Variants in BCL11A observed in about 807,000 individuals in gnomAD.
BCL11A encodes the protein B cell CLL/lymphoma 11A.
BCL11A carries 2 observed loss-of-function variants against 55.9 expected under a neutral mutation model. That is an observed-to-expected ratio of 0.04 (90% CI 0.01 to 0.11). BCL11A has a LOEUF of 0.11. Among genes scored for constraint, BCL11A ranks in the 10% least tolerant of loss-of-function variants. BCL11A has a pLI of 1.00. For synonymous variants in BCL11A, 465 were observed against 473.4 expected (o/e 0.98, Z 0.23); for missense variants, 817 against 1,137.1 (o/e 0.72, Z 4.05).
chr2:60,503,567 C>G (rs776698470), intron 2 of BCL11A, among the ~76,000 whole-genome samples: 3 of 152,200 alleles, frequency 2.0e-5, no homozygotes, highest in Non-Finnish European at 4.4e-5. Flanking sequence ...GGTCTGAGTG[C>G]AGACCAAGCT....
At chr2:60,485,986 C>G (rs1678252253) in intron 2 of BCL11A, among the ~76,000 whole-genome samples, 1 of 152,150 alleles carries the variant, frequency 6.6e-6, no homozygotes, top group Non-Finnish European at 1.5e-5. Context: ...ACCTTCTGCT[C>G]TGGTTCTCCT....
intron 2 of BCL11A, among the ~76,000 whole-genome samples, chr2:60,475,861 G>A (rs1488313230): frequency 6.6e-6 from 1 of 152,202 alleles, no homozygotes; most frequent in African/African-American, 2.4e-5. Flanking sequence ...CCTTTAGGAA[G>A]CAGGGACTTG....
intron 1 of BCL11A, among the ~76,000 whole-genome samples, chr2:60,549,341 GA>G (rs1354038289): frequency 1.3e-5 from 2 of 152,234 alleles, no homozygotes; most frequent in Non-Finnish European, 2.9e-5. Flanking sequence ...GGGGGAGGGG[GA>G]AAGGGAGATG....
chr2:60,549,366 G>C (rs970159766), intron 1 of BCL11A, among the ~76,000 whole-genome samples: 1 of 152,238 alleles, frequency 6.6e-6, no homozygotes, highest in South Asian at 2.1e-4. Context: ...CTTCAAGTTT[G>C]CTTTCCAAGT....
At chr2:60,507,250 AG>A (rs1357045533) in intron 2 of BCL11A, among the ~76,000 whole-genome samples, 142 of 1,292 alleles carry the variant, frequency 0.11, 5 homozygotes, top group South Asian at 0.25. Flanking sequence ...GAGGGAGGGG[AG>A]GGGAGGGGAG....
At chr2:60,497,208 A>C (rs1006878648) in intron 2 of BCL11A, among the ~76,000 whole-genome samples, 1 of 152,230 alleles carries the variant, frequency 6.6e-6, no homozygotes, top group African/African-American at 2.4e-5. Context: ...GCAGTAGCTA[A>C]TGACCTGTAA....
intron 2 of BCL11A, among the ~76,000 whole-genome samples, chr2:60,498,708 G>C (rs934020730): frequency 6.6e-6 from 1 of 152,206 alleles, no homozygotes; most frequent in African/African-American, 2.4e-5. Flanking sequence ...AGGCAGATGA[G>C]GTGACAAGGG....
intron 2 of BCL11A, among the ~76,000 whole-genome samples, chr2:60,518,530 G>A (rs1052977031): frequency 1.3e-5 from 2 of 152,190 alleles, no homozygotes; most frequent in Admixed American, 1.3e-4. Context: ...GCACATGGGA[G>A]GGCATCGCAC....
intron 2 of BCL11A, among the ~76,000 whole-genome samples, chr2:60,532,225 C>T (rs1459471101): frequency 1.3e-5 from 2 of 152,022 alleles, no homozygotes; most frequent in African/African-American, 4.8e-5. Flanking sequence ...TTATTTCCCT[C>T]ATTTTGCATT....
In BCL11A at chr2:60,489,657, G is replaced by A. The variant is rs1299360200; in HGVS notation, c.386-20824C>T. Among the ~76,000 whole-genome samples, 8 of 152,288 alleles carry A rather than the reference G, an allele frequency of 5.3e-5. No homozygotes were observed. In the South Asian group the frequency reaches 1.2e-3, roughly 24 times the overall value. On this transcript the variant is annotated intron_variant, in intron 2 of 3. Transcript: ENST00000642384. ...CTAACAGAGGTTCTTTCCCCTCTAG[G>A]ACACTCTGGGTCACTAGCATCTCTG...
Position 60,461,843 on chromosome 2 carries a change from T to G in BCL11A, c.1069A>C (p.Thr357Pro). The G allele has an allele frequency of 6.2e-7, 1 of 1,612,980 alleles. No individual in the cohort carries two copies. Among genetic ancestry groups the G allele is most frequent in the African/African-American group, 1.3e-5 (1 of 74,792 alleles). The change falls in exon 4 of 4, where the codon ACG becomes CCG. Residue 357 changes from threonine (T) to proline (P), a missense_variant. Transcript: ENST00000642384. ...QPGSKPPFLA[T>P]PPLPPLQSAP... ...GATTGCAGAGGAGGGAGGGGGGGCG[T>G]CGCCAGGAAGGGCGGCTTGCTACCT...
Position 60,461,109 on chromosome 2 carries a change from A to G in BCL11A, c.1803T>C (p.Thr601=). 1.2e-6 allele frequency: 2 copies of G among 1,606,268 alleles called. No homozygotes were observed. The highest frequency in any genetic ancestry group is 1.7e-6 in the Non-Finnish European group (2 of 1,176,316). ...CCGGGGAGCAGCCGCGGCCATTAAC[A>G]GTGCCATCGTCTATGCGGTCCGACT... The part of the protein sequence containing the change: ...AGESDRIDDG[T]VNGRGCSPGE... Residue 601 remains threonine (T), a synonymous_variant, in exon 4 of 4, where the codon ACT becomes ACC. Transcript: ENST00000642384.
chr2:60,550,992 C>G, intron 1 of BCL11A: 1 of 384,586 alleles, frequency 2.6e-6, no homozygotes, highest in Non-Finnish European at 4.6e-6. Flanking sequence ...GAGGGAGGGC[C>G]GCGCAACGTG....
intron 2 of BCL11A, among the ~76,000 whole-genome samples, chr2:60,512,506 G>A (rs1019770011): frequency 3.9e-5 from 6 of 152,214 alleles, no homozygotes; most frequent in Admixed American, 2.0e-4. Context: ...TTGCCTTCCC[G>A]GCTCCCCTCC....
At chr2:60,532,254 C>CT (rs758794874) in intron 2 of BCL11A, among the ~76,000 whole-genome samples, 10 of 151,454 alleles carry the variant, frequency 6.6e-5, no homozygotes, top group Non-Finnish European at 1.5e-4. Context: ...CAAAGACAGT[C>CT]TATCTCACTG....
At chr2:60,521,098 CACTCA>C (rs746682960) in intron 2 of BCL11A, among the ~76,000 whole-genome samples, 1 of 81,570 alleles carries the variant, frequency 1.2e-5, no homozygotes. Flanking sequence ...CACACACACA[CACTCA>C]CACACACACA....
chr2:60,531,419 G>C (rs1669452213), intron 2 of BCL11A, among the ~76,000 whole-genome samples: 1 of 152,190 alleles, frequency 6.6e-6, no homozygotes, highest in African/African-American at 2.4e-5. Flanking sequence ...GCAATTAAAT[G>C]CAAGCACACT....
chr2:60,520,626 CTA>C (rs948126553), intron 2 of BCL11A, among the ~76,000 whole-genome samples: 12 of 152,292 alleles, frequency 7.9e-5, no homozygotes, highest in African/African-American at 2.6e-4. Flanking sequence ...TGACTCAACA[CTA>C]TGAGGCATAA....
At chr2:60,528,688 C>T (rs895066263) in intron 2 of BCL11A, among the ~76,000 whole-genome samples, 5 of 152,150 alleles carry the variant, frequency 3.3e-5, no homozygotes, top group Non-Finnish European at 7.3e-5. Context: ...ACTGTGGACC[C>T]TCAGGGAAGT....
Sources: allele counts gnomAD v4.1 joint callset (sites outside exome capture counted in the v4.1 genomes callset), GRCh38; gene constraint gnomAD v4.1.1; transcripts MANE v1.5; gene names NCBI Gene and HGNC (gene_info 2026-07-23, HGNC 2026-07-21).